Variants in BTG4 observed in about 807,000 individuals in gnomAD.
The protein encoded by BTG4 is protein BTG4.
A neutral mutation model predicts 19.3 loss-of-function variants in BTG4; 10 were observed. The ratio of observed to expected loss-of-function variants is 0.52; its 90% CI spans 0.32 to 0.88. The LOEUF (loss-of-function observed/expected upper bound fraction) is 0.88. BTG4 is among the 40% of genes least tolerant of loss of function. BTG4 has a pLI of 0.04. For missense variants in BTG4, 238 were observed against 281.9 expected (o/e 0.84, Z 1.11); for synonymous variants, 91 against 95.7 (o/e 0.95, Z 0.29).
At chr11:111,404,606 C>T in the BTG4 span, 2 of 456,244 alleles carry the variant, frequency 4.4e-6, no homozygotes, top group South Asian at 1.5e-5. Flanking sequence ...ACAGACCCCA[C>T]ATTGACTTAC....
At chr11:111,411,847 G>C in the BTG4 span, among the ~76,000 whole-genome samples, 1 of 151,972 alleles carries the variant, frequency 6.6e-6, no homozygotes, top group African/African-American at 2.4e-5. Context: ...ATATTCCTTA[G>C]CCTTTATATC....
chr11:111,425,175 G>A, the BTG4 span, among the ~76,000 whole-genome samples: 2 of 152,184 alleles, frequency 1.3e-5, no homozygotes, highest in East Asian at 3.9e-4. Flanking sequence ...CGTGTGCAAA[G>A]GAGGAGGTAG....
chr11:111,392,327 A>G, the BTG4 span, among the ~76,000 whole-genome samples: 5 of 151,474 alleles, frequency 3.3e-5, no homozygotes, highest in Non-Finnish European at 7.4e-5. Context: ...ACAGGCACCC[A>G]CCACCATGCC....
chr11:111,443,970 T>C, the BTG4 span, among the ~76,000 whole-genome samples: 1 of 152,304 alleles, frequency 6.6e-6, no homozygotes, highest in Admixed American at 6.5e-5. Flanking sequence ...TGCAAGCATT[T>C]AAAACGGACA....
downstream of BTG4, among the ~76,000 whole-genome samples, chr11:111,467,191 T>C (rs748067048): frequency 6.6e-6 from 1 of 152,170 alleles, no homozygotes; most frequent in Non-Finnish European, 1.5e-5. Flanking sequence ...ATGAGACAGA[T>C]ACTATTATTT....
intron 5 of BTG4, among the ~76,000 whole-genome samples, chr11:111,486,268 C>T (rs1865055412): frequency 6.6e-6 from 1 of 152,122 alleles, no homozygotes. Context: ...GAAACCCCAT[C>T]TCTACAAAAA....
chr11:111,411,700 G>A, the BTG4 span, among the ~76,000 whole-genome samples: 2 of 152,172 alleles, frequency 1.3e-5, no homozygotes, highest in African/African-American at 4.8e-5. Flanking sequence ...CGTTGCTGCT[G>A]GCCCATGGAT....
chr11:111,491,940 T>C (rs1020935024), downstream of BTG4, among the ~76,000 whole-genome samples: 5 of 131,378 alleles, frequency 3.8e-5, no homozygotes, highest in Non-Finnish European at 6.8e-5. Context: ...TAGTTGATTA[T>C]ATTTTTTCCC....
At chr11:111,446,125 A>C in the BTG4 span, among the ~76,000 whole-genome samples, 1 of 152,202 alleles carries the variant, frequency 6.6e-6, no homozygotes, top group Non-Finnish European at 1.5e-5. Context: ...CTACCTACCC[A>C]GAGCAGAAGG....
At chr11:111,488,876 T>C (rs1251649491) in intron 5 of BTG4, among the ~76,000 whole-genome samples, 2 of 152,090 alleles carry the variant, frequency 1.3e-5, no homozygotes, top group African/African-American at 4.8e-5. Flanking sequence ...CCGGCCACGG[T>C]GGCTCAAGAC....
chr11:111,491,746 A>AAG (rs531381500), downstream of BTG4, among the ~76,000 whole-genome samples: 283 of 151,478 alleles, frequency 1.9e-3, no homozygotes, highest in Middle Eastern at 3.4e-3. Flanking sequence ...AAAAAAAAAA[A>AAG]AAAAGAAAGA....
the BTG4 span, chr11:111,414,581 G>A: frequency 6.6e-6 from 1 of 152,178 alleles, no homozygotes; most frequent in African/African-American, 2.4e-5. Context: ...CCCTTCCTGA[G>A]AAGATAAGAT....
chr11:111,452,038 C>T, the BTG4 span, among the ~76,000 whole-genome samples: 1 of 152,232 alleles, frequency 6.6e-6, no homozygotes, highest in Non-Finnish European at 1.5e-5. Context: ...CCCCCCGACC[C>T]CCATCTGCCA....
the BTG4 span, among the ~76,000 whole-genome samples, chr11:111,439,060 C>T: frequency 6.6e-6 from 1 of 152,234 alleles, no homozygotes; most frequent in South Asian, 2.1e-4. Flanking sequence ...CACACCCACC[C>T]GCTGGGCAGC....
At chr11:111,403,010 T>G in the BTG4 span, among the ~76,000 whole-genome samples, 5 of 152,106 alleles carry the variant, frequency 3.3e-5, no homozygotes, top group Admixed American at 2.0e-4. Flanking sequence ...AAGCAAAAAT[T>G]TCAGAATAAG....
intron 1 of BTG4, among the ~76,000 whole-genome samples, chr11:111,509,911 C>CTT (rs1450409427): frequency 6.3e-4 from 72 of 114,704 alleles, no homozygotes; most frequent in South Asian, 1.1e-3. Context: ...TTTCTTTTTT[C>CTT]TTTTTTTTTT....
the BTG4 span, among the ~76,000 whole-genome samples, chr11:111,427,924 C>G: frequency 0.058 from 8,883 of 152,224 alleles, 350 homozygotes; most frequent in Middle Eastern, 0.15. Context: ...CCCCCCACCC[C>G]GAACATTAGA....
chr11:111,475,195 GA>G (rs1227144343), intron 5 of BTG4: 1 of 152,430 alleles, frequency 6.6e-6, no homozygotes, highest in African/African-American at 2.4e-5. Flanking sequence ...AGAATTATTG[GA>G]AAATCTATAA....
At chr11:111,475,283 G>A (rs1565445505) in intron 5 of BTG4, 1 of 152,078 alleles carries the variant, frequency 6.6e-6, no homozygotes, top group Non-Finnish European at 1.5e-5. Flanking sequence ...TGCCACAGAG[G>A]TTGAGGACCC....
Sources: gnomAD v4.1 joint callset for allele counts (sites outside exome capture counted in the v4.1 genomes callset) on GRCh38, gnomAD v4.1.1 for gene constraint, MANE v1.5 for transcripts, NCBI Gene and HGNC (gene_info 2026-07-23, HGNC 2026-07-21) for gene names.